Variants in RNF157 observed in about 807,000 individuals in gnomAD.
RNF157 encodes the protein E3 ubiquitin ligase RNF157.
RNF157 carries 55 observed loss-of-function variants against 88.3 expected under a neutral mutation model. That is an observed-to-expected ratio of 0.62 (90% CI 0.50 to 0.78). The LOEUF (loss-of-function observed/expected upper bound fraction) is 0.78, where lower values mean the gene tolerates loss of function less well. Among genes scored for constraint, RNF157 ranks in the 30% least tolerant of loss-of-function variants. The pLI is 0.00. For synonymous variants in RNF157, 334 were observed against 341.2 expected (o/e 0.98, Z 0.23); for missense variants, 788 against 860.8 (o/e 0.92, Z 1.06).
At chr17:76,192,448 T>C (rs2069402650) in intron 2 of RNF157, among the ~76,000 whole-genome samples, 1 of 152,242 alleles carries the variant, frequency 6.6e-6, no homozygotes, top group African/African-American at 2.4e-5. Flanking sequence ...GTAGGAATCC[T>C]CTTCGTGTTA....
chr17:76,171,933 T>C lies in RNF157; in HGVS notation c.296+1769A>G, dbSNP rs369287373. ...AGGCCCTTGAATGGTCTCCATCAAA[T>C]GTGTGAATGTGCCATATGTGATGAG... On this transcript the variant is annotated intron_variant, in intron 3 of 18. Transcript: ENST00000269391. Among the ~76,000 whole-genome samples, 6 of 152,154 alleles carry C rather than the reference T, an allele frequency of 3.9e-5. No homozygotes were observed. In the South Asian group the frequency reaches 1.2e-3, roughly 32 times the overall value.
intron 3 of RNF157, among the ~76,000 whole-genome samples, chr17:76,169,366 A>G (rs1165435296): frequency 1.3e-5 from 2 of 152,098 alleles, no homozygotes; most frequent in African/African-American, 4.8e-5. Context: ...AACTTCTCTC[A>G]TGTCTTTGAG....
intron 1 of RNF157, among the ~76,000 whole-genome samples, chr17:76,234,941 G>A (rs1019535847): frequency 6.6e-6 from 1 of 151,838 alleles, no homozygotes; most frequent in Non-Finnish European, 1.5e-5. Flanking sequence ...CAATTGTCTC[G>A]GTACTTTTGT....
intron 1 of RNF157, among the ~76,000 whole-genome samples, chr17:76,218,033 A>T (rs2069919403): frequency 6.6e-6 from 1 of 152,198 alleles, no homozygotes; most frequent in South Asian, 2.1e-4. Flanking sequence ...ACACTAATGA[A>T]TGCTTAAAAA....
At chr17:76,162,968 T>C (rs1349716255) in intron 8 of RNF157, 7 of 171,960 alleles carry the variant, frequency 4.1e-5, no homozygotes, top group African/African-American at 1.7e-4. Flanking sequence ...ATCTAGGCAT[T>C]TGCTATATAA....
At position 76,167,040 on chromosome 17, in the gene RNF157, G is replaced by A. The variant is rs1465282075; in HGVS notation, c.530C>T (p.Thr177Ile). The A allele has an allele frequency of 1.2e-6, 2 of 1,611,942 alleles. No homozygotes were observed. Among genetic ancestry groups the A allele is most frequent in the Admixed American group, 1.7e-5 (1 of 59,758 alleles). The change falls in exon 5 of 19, where the codon ACC becomes ATC. Residue 177 changes from threonine to isoleucine, a missense_variant. Thr to Ile is a moderately conservative substitution (Grantham distance 89, BLOSUM62 -1). Coordinates refer to ENST00000269391, the MANE Select transcript of RNF157 (RefSeq NM_052916.3). ...VCQQFCLPSH[T>I]VDPSEWAEEE... ...TTCGGCCCACTCGGAGGGATCCACG[G>A]TGTGGGAGGGCAGGCAGAACTGCTG... is the stretch of plus-strand genomic sequence containing the variant.
chr17:76,188,229 C>T (rs1450875326), intron 2 of RNF157, among the ~76,000 whole-genome samples: 1 of 152,184 alleles, frequency 6.6e-6, no homozygotes, highest in African/African-American at 2.4e-5. Context: ...AGGTGACTTA[C>T]GTTCTCTTGT....
At position 76,155,557 on chromosome 17, in the gene RNF157, C is replaced by T. The variant is rs918369418; in HGVS notation, c.1698+5G>A. 1.2e-6 allele frequency: 2 copies of T among 1,611,540 alleles called. No homozygotes were observed. On this transcript the variant is annotated splice_donor_5th_base_variant and intron_variant, in intron 15 of 18. Coordinates refer to ENST00000269391, the MANE Select transcript of RNF157 (RefSeq NM_052916.3). ...AGCCAGGGCGGTTCCCGTCCCTTCCCTTACCTCTCCTTCTTCTGAGGGGGC... is the reference window on the plus strand; with the variant it reads ...AGCCAGGGCGGTTCCCGTCCCTTCCTTTACCTCTCCTTCTTCTGAGGGGGC...
chr17:76,171,376 A>G (rs899888520), intron 3 of RNF157, among the ~76,000 whole-genome samples: 6 of 149,508 alleles, frequency 4.0e-5, no homozygotes, highest in African/African-American at 1.2e-4. Flanking sequence ...TTTAGTAGAG[A>G]CGGGTTTTTA....
intron 1 of RNF157, among the ~76,000 whole-genome samples, chr17:76,215,801 A>G (rs2069879143): frequency 3.3e-5 from 5 of 152,228 alleles, no homozygotes; most frequent in Admixed American, 3.3e-4. Flanking sequence ...CAAAGCAATC[A>G]CTGAGGAACT....
intron 2 of RNF157, among the ~76,000 whole-genome samples, chr17:76,186,054 ACAGAGG>A (rs941670256): frequency 6.6e-6 from 1 of 152,148 alleles, no homozygotes; most frequent in Non-Finnish European, 1.5e-5. Flanking sequence ...ATATTTTAAA[ACAGAGG>A]CATTTTTGAT....
chr17:76,154,436 G>A (rs1170931122), intron 16 of RNF157, 108 bp from the exon 17 acceptor site: 21 of 773,542 alleles, frequency 2.7e-5, no homozygotes, highest in Non-Finnish European at 4.2e-5. Context: ...CAGGGCCTAC[G>A]TTAATAGCAT....
chr17:76,150,635 T>G (rs945521561), intron 18 of RNF157, among the ~76,000 whole-genome samples: 10 of 152,094 alleles, frequency 6.6e-5, no homozygotes, highest in African/African-American at 2.4e-4. Context: ...AGACATCATC[T>G]TCACCCAACT....
chr17:76,227,265 C>A (rs2070108994), intron 1 of RNF157, among the ~76,000 whole-genome samples: 1 of 151,848 alleles, frequency 6.6e-6, no homozygotes, highest in South Asian at 2.1e-4. Flanking sequence ...GGACTACAGG[C>A]ACCTGCCACC....
chr17:76,155,814 C>G, intron 14 of RNF157, 80 bp from the exon 15 acceptor site: 5 of 1,255,544 alleles, frequency 4.0e-6, no homozygotes, highest in Non-Finnish European at 5.4e-6. Context: ...AGAGCCCTCT[C>G]CCTGCATTCA....
chr17:76,166,595 C>A, intron 5 of RNF157, 68 bp from the exon 6 acceptor site: 1 of 1,255,456 alleles, frequency 8.0e-7, no homozygotes, highest in South Asian at 1.2e-5. Flanking sequence ...CAGCTAATCT[C>A]AGAAAGGGCG....
intron 1 of RNF157, among the ~76,000 whole-genome samples, chr17:76,228,721 G>A (rs1239500076): frequency 2.0e-5 from 3 of 152,122 alleles, no homozygotes; most frequent in South Asian, 2.1e-4. Context: ...TCAGGAGTTC[G>A]AGACCAGCCT....
At position 76,146,047 on chromosome 17, in the gene RNF157, G is replaced by A. The variant is rs935436044; in HGVS notation, c.1922-694C>T. Among the ~76,000 whole-genome samples the A allele has an allele frequency of 5.3e-5, 8 of 152,204 alleles. No homozygotes were observed. The highest frequency in any genetic ancestry group is 8.8e-5 in the Non-Finnish European group (6 of 68,030). ...AACGCATCCGCTCCCCAAATCTGCT[G>A]CTGCCCCCACATGAGGAGTGCCAGC... On this transcript the variant is annotated intron_variant, in intron 18 of 18. Transcript: ENST00000269391. The surrounding 1 kb of genome is among the most constrained non-coding windows in gnomAD (Gnocchi z 4.2).
At chr17:76,148,819 C>T (rs549117830) in intron 18 of RNF157, among the ~76,000 whole-genome samples, 9 of 152,140 alleles carry the variant, frequency 5.9e-5, no homozygotes, top group Non-Finnish European at 1.2e-4. Flanking sequence ...GATCACTTGC[C>T]TCAGCCTCTC....
Sources: gnomAD v4.1 joint callset for allele counts (sites outside exome capture counted in the v4.1 genomes callset) on GRCh38, gnomAD v4.1.1 for gene constraint, Gnocchi (gnomAD v3.1) non-coding constraint, MANE v1.5 for transcripts, NCBI Gene and HGNC (gene_info 2026-07-23, HGNC 2026-07-21) for gene names.